DAGLB: variants seen among roughly 807,000 people sequenced by gnomAD.
DAGLB encodes the protein diacylglycerol lipase-beta.
A neutral mutation model predicts 72.1 loss-of-function variants in DAGLB; 66 were observed. That is an observed-to-expected ratio of 0.92 (90% CI 0.75 to 1.12). The LOEUF is 1.12. Ranked by LOEUF, DAGLB falls within the 50% of genes most tolerant of loss-of-function variation. The pLI, the probability that DAGLB is intolerant of heterozygous loss-of-function variation, is 0.00. For synonymous variants in DAGLB, 414 were observed against 359.5 expected, an observed-to-expected ratio of 1.15 and a Z score of -1.71; for missense variants, 1,065 against 884.9, an observed-to-expected ratio of 1.20 and a Z score of -2.58.
At chr7:6,445,800 T>G (rs892770219) in intron 2 of DAGLB, 153 bp downstream of exon 2, 2 of 858,620 alleles carry the variant, frequency 2.3e-6, no homozygotes, top group African/African-American at 3.4e-5. Flanking sequence ...GAAAATGGTA[T>G]AAACTTGATG....
In DAGLB at chr7:6,410,192, C is replaced by G. The variant is rs756853830; in HGVS notation, c.1758G>C (p.Lys586Asn). ...SSDSPLDSSP[K>N]YPPLYPPGRI... ...TGCCGGGAGGGTAGAGAGGGGGGTA[C>G]TTGGGAGAAGAGTCCAGTGGGGAGT... The change falls in exon 14 of 15, where the codon AAG becomes AAC. Residue 586 changes from lysine to asparagine, a missense_variant. Physicochemically the swap from Lys to Asn is moderately conservative, Grantham distance 94. Transcript: ENST00000297056. 8.7e-6 allele frequency: 14 copies of G among 1,600,908 alleles called. 1 individual carries two copies. The highest frequency in any genetic ancestry group is 1.7e-4 in the Middle Eastern group (1 of 6,026).
Position 6,436,117 on chromosome 7 carries a change from G to A in DAGLB, c.419+245C>T, listed in dbSNP as rs1784647930. Among the ~76,000 whole-genome samples the A allele has an allele frequency of 2.0e-5, 3 of 151,908 alleles. No homozygotes were observed. The South Asian group carries it at 6.2e-4, about 32-fold the overall frequency. ...AAAAAAAAAAGAGAGAGAGACAGAA[G>A]GGAATGTAGAAAATAAAGAACCAGT... On this transcript the variant is annotated intron_variant, in intron 3 of 14. Transcript: ENST00000297056.
chr7:6,432,125 C>T (rs1278253539), intron 5 of DAGLB, among the ~76,000 whole-genome samples: 1 of 152,024 alleles, frequency 6.6e-6, no homozygotes, highest in Non-Finnish European at 1.5e-5. Context: ...CCGAGGCAGG[C>T]AGATTACCTG....
Position 6,421,822 on chromosome 7 carries a change from C to T in DAGLB, c.1141-18G>A. On this transcript the variant is annotated intron_variant, in intron 8 of 14. Coordinates refer to ENST00000297056, the MANE Select transcript of DAGLB (RefSeq NM_139179.4). ...AGGACATCCTGTAAAAAGGGCGTTG[C>T]AGAAGCGGCCGTCAGCCTGTGATGG... 1.2e-6 allele frequency: 2 copies of T among 1,611,180 alleles called. No individual in the cohort carries two copies. The highest frequency in any genetic ancestry group is 1.7e-6 in the Non-Finnish European group (2 of 1,178,954).
At position 6,434,965 on chromosome 7, in the gene DAGLB, C is replaced by T. The variant is rs988817844; in HGVS notation, c.475G>A (p.Gly159Arg). ...VSIIIVFDPL[G>R]GKMAPYSSAG... ...GAGGAATATGGAGCCATTTTCCCCC[C>T]AAGAGGGTCAAAGACAATGATAATG... Residue 159 changes from glycine (G) to arginine (R), a missense_variant, in exon 4 of 15, where the codon GGG (glycine) becomes AGG (arginine). Transcript: ENST00000297056. The T allele has an allele frequency of 6.2e-7, 1 of 1,614,068 alleles. No individual in the cohort carries two copies. Among genetic ancestry groups the T allele is most frequent in the Admixed American group, 1.7e-5 (1 of 59,996 alleles).
At chr7:6,422,211 C>T (rs184808712) in intron 8 of DAGLB, 90 of 342,166 alleles carry the variant, frequency 2.6e-4, no homozygotes, top group African/African-American at 1.8e-3. Flanking sequence ...ACAGCAAGGG[C>T]CAGGCAGTGC....
intron 9 of DAGLB, chr7:6,417,814 G>C (rs1157382800): frequency 6.6e-6 from 1 of 152,176 alleles, no homozygotes; most frequent in Non-Finnish European, 1.5e-5. Flanking sequence ...GTGAGTTTTA[G>C]GGTGGTCAGG....
At position 6,410,324 on chromosome 7, in the gene DAGLB, G is replaced by C; in HGVS notation, c.1626C>G (p.Asn542Lys). ...WYELFGGNPN[N>K]LPTELDGGDQ... ...CGCCCCCGTCCAGCTCCGTGGGCAA[G>C]TTGTTGGGGTTTCCTCCAAACAGTT... The change falls in exon 14 of 15, where the codon AAC becomes AAG. Residue 542 changes from asparagine (N) to lysine (K), a missense_variant. By Grantham distance (94) the Asn-to-Lys change is moderately conservative. Transcript: ENST00000297056. 1 of 1,614,142 alleles carries C rather than the reference G, an allele frequency of 6.2e-7. No homozygotes were observed. Among genetic ancestry groups the C allele is most frequent in the South Asian group, 1.1e-5 (1 of 91,076 alleles).
At position 6,416,852 on chromosome 7, in the gene DAGLB, T is replaced by C. The variant is rs747058673; in HGVS notation, c.1288A>G (p.Ser430Gly). 5 of 1,614,094 alleles carry C rather than the reference T, an allele frequency of 3.1e-6. No homozygotes were observed. In the South Asian group the frequency reaches 5.5e-5, roughly 18 times the overall value. Residue 430 changes from serine (S) to glycine (G), a missense_variant, in exon 10 of 15, where the codon AGC (serine) becomes GGC (glycine). Transcript: ENST00000297056. ...AACTAAGATCTCACAGGAGCAATGC[T>C]GAAGGCTTGGCTCAAAATCCCGTCG... ...INDGILSQAFSIAPEYRLVIV... is the reference protein window; with the variant it reads ...INDGILSQAFGIAPEYRLVIV...
intron 7 of DAGLB, among the ~76,000 whole-genome samples, 185 bp downstream of exon 7, chr7:6,425,803 A>G (rs1273660246): frequency 1.3e-5 from 2 of 152,168 alleles, no homozygotes; most frequent in Non-Finnish European, 2.9e-5. Context: ...TGGGTTCTGA[A>G]CCTGCACCAG....
intron 9 of DAGLB, among the ~76,000 whole-genome samples, chr7:6,418,487 C>T (rs1030056728): frequency 6.6e-6 from 1 of 152,114 alleles, no homozygotes; most frequent in African/African-American, 2.4e-5. Context: ...AGAAATGACC[C>T]TGTCAATCAA....
At chr7:6,414,693 G>T (rs1041801367) in intron 11 of DAGLB, among the ~76,000 whole-genome samples, 4 of 152,008 alleles carry the variant, frequency 2.6e-5, no homozygotes, top group Non-Finnish European at 4.4e-5. Context: ...AAAAGGCCTG[G>T]AAATTATGAC....
At position 6,409,708 on chromosome 7, in the gene DAGLB, C is replaced by T. The variant is rs1008834302; in HGVS notation, c.*129G>A. On this transcript the variant is annotated 3_prime_UTR_variant, in exon 15 of 15. Transcript: ENST00000297056. ...CTTAAGTCATTGAGACCATGGAATT[C>T]TGTTCCCATCCGATTCCTGTTGATG... is the stretch of plus-strand genomic sequence containing the variant. 4.4e-5 allele frequency: 47 copies of T among 1,076,312 alleles called. No homozygotes were observed. The highest frequency in any genetic ancestry group is 2.7e-4 in the Admixed American group (10 of 37,010). The allele number at this position is 1,076,312 out of a possible 1,614,324, so 66.7% of individuals were successfully genotyped here.
At chr7:6,412,703 A>G in intron 13 of DAGLB, 108 bp downstream of exon 13, 1 of 1,266,474 alleles carries the variant, frequency 7.9e-7, no homozygotes. Context: ...ACTTCCAGCA[A>G]CAGCATAGAG....
chr7:6,413,922 G>C (rs561802196), intron 11 of DAGLB, among the ~76,000 whole-genome samples: 10 of 152,356 alleles, frequency 6.6e-5, no homozygotes, highest in Admixed American at 6.5e-4. Context: ...ATCAACAGGA[G>C]GAGAGGAACA....
At chr7:6,431,254 C>T (rs776903470) in intron 5 of DAGLB, among the ~76,000 whole-genome samples, 1 of 151,940 alleles carries the variant, frequency 6.6e-6, no homozygotes, top group Non-Finnish European at 1.5e-5. Context: ...TGGCTTAACC[C>T]GGAGCAGCGA....
chr7:6,409,552 C>T lies in DAGLB; in HGVS notation c.*285G>A. 2 of 485,852 alleles carry T rather than the reference C, an allele frequency of 4.1e-6. No individual in the cohort carries two copies. Among genetic ancestry groups the T allele is most frequent in the Non-Finnish European group, 3.7e-6 (1 of 267,948 alleles). The allele number at this position is 485,852 out of a possible 1,614,324, so 30.1% of individuals were successfully genotyped here. On this transcript the variant is annotated 3_prime_UTR_variant, in exon 15 of 15. Coordinates refer to ENST00000297056, the MANE Select transcript of DAGLB (RefSeq NM_139179.4). ...CACTTCTGGAGCAGTCCTCAGACAG[C>T]CAAGGGATCCATCCACGGGCCAGGG...
Position 6,409,957 on chromosome 7 carries a change from C to T in DAGLB, c.1899G>A (p.Pro633=), listed in dbSNP as rs369839410. The T allele has an allele frequency of 1.2e-5, 20 of 1,614,022 alleles. No homozygotes were observed. The highest frequency in any genetic ancestry group is 6.7e-5 in the Admixed American group (4 of 60,004). Residue 633 remains proline, a synonymous_variant, in exon 15 of 15, where the codon CCG becomes CCA. Coordinates refer to ENST00000297056, the MANE Select transcript of DAGLB (RefSeq NM_139179.4). The part of the protein sequence containing the change: ...EAEFSKILIG[P]KMLTDHMPDI... The stretch of plus-strand genomic sequence containing the variant: ...CTGGCATGTGGTCGGTGAGCATCTT[C>T]GGACCTATGAGTATTTTGCTGAATT...
chr7:6,437,789 G>C (rs1053359919), intron 2 of DAGLB, among the ~76,000 whole-genome samples: 2 of 151,914 alleles, frequency 1.3e-5, no homozygotes, highest in African/African-American at 4.8e-5. Context: ...GCTGGGATTA[G>C]AGGCATTACA....
Sources: gnomAD v4.1 joint callset for allele counts (sites outside exome capture counted in the v4.1 genomes callset) on GRCh38, gnomAD v4.1.1 for gene constraint, MANE v1.5 for transcripts, NCBI Gene and HGNC (gene_info 2026-07-23, HGNC 2026-07-21) for gene names.